The following THSD4 variants were observed in gnomAD, a reference collection of about 807,000 sequenced individuals.
THSD4 encodes thrombospondin type-1 domain-containing protein 4.
A neutral mutation model predicts 119.0 loss-of-function variants in THSD4; 69 were observed. The observed-to-expected ratio is 0.58, with a 90% CI of 0.48 to 0.71. THSD4 has a LOEUF of 0.71. THSD4 is among the 30% of genes least tolerant of loss of function. THSD4 has a pLI of 0.00. For synonymous variants in THSD4, 524 were observed against 540.4 expected, an observed-to-expected ratio of 0.97 and a Z score of 0.42; for missense variants, 1,393 against 1,391.1, an observed-to-expected ratio of 1.00 and a Z score of -0.02.
chr15:71,319,586 T>C (rs2045240463), intron 6 of THSD4, among the ~76,000 whole-genome samples: 1 of 152,108 alleles, frequency 6.6e-6, no homozygotes, highest in South Asian at 2.1e-4. Context: ...ATTCATCCTT[T>C]TTTATGGCTG....
chr15:71,278,774 C>G (rs1300093034), intron 6 of THSD4, among the ~76,000 whole-genome samples: 1 of 151,996 alleles, frequency 6.6e-6, no homozygotes, highest in African/African-American at 2.4e-5. Context: ...AACCTTGTCA[C>G]GAGTTTAGTG....
intron 7 of THSD4, among the ~76,000 whole-genome samples, chr15:71,557,469 A>G (rs1050706870): frequency 3.9e-5 from 6 of 152,126 alleles, no homozygotes; most frequent in Admixed American, 1.3e-4. Context: ...GTTTTGCTAT[A>G]AGGCTATACC....
intron 7 of THSD4, among the ~76,000 whole-genome samples, chr15:71,548,319 C>T (rs2048871317): frequency 6.6e-6 from 1 of 152,150 alleles, no homozygotes; most frequent in South Asian, 2.1e-4. Context: ...CATCCATCTT[C>T]GTCTTTGAAA....
chr15:71,663,142 C>T (rs192411560), intron 8 of THSD4, among the ~76,000 whole-genome samples: 121 of 152,152 alleles, frequency 8.0e-4, no homozygotes, highest in Non-Finnish European at 1.3e-3. Flanking sequence ...GTCTTAGCTA[C>T]TTGGGAGGCT....
At chr15:71,615,294 A>G (rs1015550952) in intron 7 of THSD4, among the ~76,000 whole-genome samples, 2 of 152,180 alleles carry the variant, frequency 1.3e-5, no homozygotes, top group South Asian at 2.1e-4. Flanking sequence ...AGAGACTCCA[A>G]AGGAAAATAT....
intron 6 of THSD4, among the ~76,000 whole-genome samples, chr15:71,306,189 C>T (rs2045023222): frequency 6.6e-6 from 1 of 151,562 alleles, no homozygotes; most frequent in African/African-American, 2.4e-5. Context: ...ACCTGTAATC[C>T]CAGCTACTCG....
At chr15:71,581,508 C>G (rs1278218794) in intron 7 of THSD4, among the ~76,000 whole-genome samples, 2 of 152,098 alleles carry the variant, frequency 1.3e-5, no homozygotes, top group East Asian at 1.9e-4. Flanking sequence ...TTGATTGTTT[C>G]ATTTGCTGTG....
chr15:71,550,976 G>A (rs7181633), intron 7 of THSD4, among the ~76,000 whole-genome samples: 49,592 of 151,958 alleles, frequency 0.33, 8,437 homozygotes, highest in Non-Finnish European at 0.39. Context: ...ATGTCTTTTG[G>A]ATCCAGATTT....
At chr15:71,746,553 C>A (rs900584890) in intron 12 of THSD4, among the ~76,000 whole-genome samples, 6 of 152,150 alleles carry the variant, frequency 3.9e-5, no homozygotes, top group African/African-American at 1.4e-4. Context: ...CACCACCACA[C>A]CCAGCTAACT....
At chr15:71,246,625 T>C (rs2044203505) in intron 5 of THSD4, among the ~76,000 whole-genome samples, 1 of 152,210 alleles carries the variant, frequency 6.6e-6, no homozygotes, top group African/African-American at 2.4e-5. Flanking sequence ...ACCTATCTTA[T>C]GGTGTGATCT....
intron 7 of THSD4, among the ~76,000 whole-genome samples, chr15:71,476,630 C>G (rs996181490): frequency 6.6e-6 from 1 of 152,180 alleles, no homozygotes; most frequent in Non-Finnish European, 1.5e-5. Flanking sequence ...TGTAGAATGT[C>G]CTGTTTGTCT....
intron 7 of THSD4, among the ~76,000 whole-genome samples, chr15:71,490,356 C>T (rs953814549): frequency 6.6e-6 from 1 of 152,014 alleles, no homozygotes; most frequent in African/African-American, 2.4e-5. Context: ...GTCAGGAGAT[C>T]GAGACCATCC....
intron 4 of THSD4, among the ~76,000 whole-genome samples, chr15:71,240,869 T>C (rs1057002250): frequency 5.3e-5 from 8 of 151,748 alleles, no homozygotes; most frequent in African/African-American, 1.9e-4. Flanking sequence ...AACTTCTTAA[T>C]TGCATCTCTT....
chr15:71,213,370 G>A (rs1490748833), intron 3 of THSD4, among the ~76,000 whole-genome samples: 4 of 152,172 alleles, frequency 2.6e-5, no homozygotes, highest in South Asian at 2.1e-4. Flanking sequence ...ATCTGGCACC[G>A]AGCAGGTGCC....
chr15:71,109,350 A>G (rs2040287965), intron 1 of THSD4, among the ~76,000 whole-genome samples: 1 of 152,200 alleles, frequency 6.6e-6, no homozygotes, highest in Non-Finnish European at 1.5e-5. Flanking sequence ...GCTATTCCAA[A>G]TGCAGCTTGA....
intron 2 of THSD4, among the ~76,000 whole-genome samples, chr15:71,145,492 A>T (rs2040648670): frequency 6.6e-6 from 1 of 152,108 alleles, no homozygotes; most frequent in African/African-American, 2.4e-5. Context: ...CTTTTCCTTG[A>T]TGCATACTTC....
At chr15:71,097,445 G>A (rs1011997838) in intron 1 of THSD4, among the ~76,000 whole-genome samples, 5 of 151,644 alleles carry the variant, frequency 3.3e-5, no homozygotes, top group African/African-American at 1.2e-4. Context: ...GTATGCCTGT[G>A]GTCCCAGCTA....
chr15:71,487,570 T>C (rs1309299732), intron 7 of THSD4, among the ~76,000 whole-genome samples: 1 of 152,240 alleles, frequency 6.6e-6, no homozygotes, highest in African/African-American at 2.4e-5. Context: ...AAATCTTCTT[T>C]GACTTATGTT....
At position 71,468,999 on chromosome 15, in the gene THSD4, G is replaced by A. The variant is rs150228411; in HGVS notation, c.1152+57176G>A. Among the ~76,000 whole-genome samples, 20 of 152,324 alleles carry A rather than the reference G, an allele frequency of 1.3e-4. No homozygotes were observed. The East Asian group carries it at 3.9e-3, about 29-fold the overall frequency. On this transcript the variant is annotated intron_variant, in intron 7 of 17. Transcript: ENST00000261862. ...GTATTTGCGTGTCTGAAACCTGGTG[G>A]TTCTCTTACTGTGGAAGAAAGGGAG... is the stretch of plus-strand genomic sequence containing the variant.
Sources: gnomAD v4.1 joint callset for allele counts (sites outside exome capture counted in the v4.1 genomes callset) on GRCh38, gnomAD v4.1.1 for gene constraint, MANE v1.5 for transcripts, NCBI Gene and HGNC (gene_info 2026-07-23, HGNC 2026-07-21) for gene names.